The following AGO2 variants were observed in gnomAD, a reference collection of about 807,000 sequenced individuals.
The protein encoded by AGO2 is argonaute RISC catalytic component 2.
In AGO2, 5 loss-of-function variants were observed where a neutral mutation model predicts 102.3. The observed-to-expected ratio is 0.05, with a 90% CI of 0.03 to 0.10. AGO2 has a LOEUF of 0.10. AGO2 is among the 10% of genes least tolerant of loss of function. The probability of loss-of-function intolerance (pLI) is 1.00; values close to 1 mark genes in which losing one functional copy is unlikely to be tolerated. For synonymous variants in AGO2, 449 were observed against 473.1 expected, an observed-to-expected ratio of 0.95 and a Z score of 0.66; for missense variants, 541 against 1,183.7, an observed-to-expected ratio of 0.46 and a Z score of 7.97.
chr8:140,532,586 G>A lies in AGO2; in HGVS notation c.2301C>T (p.Val767=), dbSNP rs541051501. ...QGTSRPSHYH[V]LWDDNRFSSD... ...AGGAGAAACGATTGTCGTCCCAGAGGACGTGATAGTGCGAAGGCCTGCTTG... is the reference window on the plus strand; with the variant it reads ...AGGAGAAACGATTGTCGTCCCAGAGAACGTGATAGTGCGAAGGCCTGCTTG... The change falls in exon 18 of 19, where the codon GTC becomes GTT. Residue 767 remains valine (V), a synonymous_variant. Transcript: ENST00000220592. The A allele has an allele frequency of 2.5e-6, 4 of 1,614,278 alleles. No homozygotes were observed. Among genetic ancestry groups the A allele is most frequent in the Admixed American group, 1.7e-5 (1 of 60,036 alleles).
chr8:140,586,884 C>T (rs1391084321), intron 1 of AGO2, among the ~76,000 whole-genome samples: 1 of 152,212 alleles, frequency 6.6e-6, no homozygotes, highest in African/African-American at 2.4e-5. Flanking sequence ...GCACGCTCCT[C>T]TCGGGGAGGA....
At chr8:140,630,693 T>C (rs2074331420) in intron 1 of AGO2, among the ~76,000 whole-genome samples, 1 of 152,214 alleles carries the variant, frequency 6.6e-6, no homozygotes, top group South Asian at 2.1e-4. Flanking sequence ...ATCCCTCTTA[T>C]TTGAAATAAC....
intron 2 of AGO2, among the ~76,000 whole-genome samples, chr8:140,574,225 G>A (rs886916566): frequency 6.6e-6 from 1 of 150,634 alleles, no homozygotes; most frequent in Non-Finnish European, 1.5e-5. Context: ...TTCCAAAGAG[G>A]TACCAGCTTG....
intron 2 of AGO2, among the ~76,000 whole-genome samples, chr8:140,579,805 G>A (rs2073527136): frequency 6.6e-6 from 1 of 152,206 alleles, no homozygotes; most frequent in African/African-American, 2.4e-5. Flanking sequence ...CTTGTAAACA[G>A]GCAGGGTCCA....
chr8:140,635,140 G>T (rs921527509), intron 1 of AGO2, among the ~76,000 whole-genome samples: 6 of 146,384 alleles, frequency 4.1e-5, no homozygotes, highest in Non-Finnish European at 9.1e-5. Context: ...GGCCGCCTCG[G>T]CCCCGGCCCC....
At chr8:140,558,065 C>T (rs2073130873) in intron 7 of AGO2, among the ~76,000 whole-genome samples, 3 of 152,220 alleles carry the variant, frequency 2.0e-5, no homozygotes, top group South Asian at 4.1e-4. Flanking sequence ...GACAGCGGTG[C>T]ACTCTCACCC....
At position 140,553,404 on chromosome 8, in the gene AGO2, G is replaced by GTTTTTTT. The variant is rs1386366277; in HGVS notation, c.1270-1969_1270-1968insAAAAAAA. ...GCCTCAAACAAGTTACAAGTTTTTT[G>GTTTTTTT]TTTTTTGTTTTTTTTTTTTTTTGAG... On this transcript the variant is annotated intron_variant, in intron 10 of 18. Coordinates refer to ENST00000220592, the MANE Select transcript of AGO2 (RefSeq NM_012154.5). Among the ~76,000 whole-genome samples, 22 of 101,716 alleles carry GTTTTTTT rather than the reference G, an allele frequency of 2.2e-4. 2 individuals are homozygous for GTTTTTTT. The highest frequency in any genetic ancestry group is 2.9e-4 in the African/African-American group (6 of 20,620). The allele number at this position is 101,716 out of a possible 152,430, so 66.7% of individuals were successfully genotyped here. A position where few individuals can be genotyped will look rare whatever the true frequency, so the allele number is the denominator to read the frequency against.
At chr8:140,590,390 C>G (rs768578619) in intron 1 of AGO2, among the ~76,000 whole-genome samples, 19 of 152,164 alleles carry the variant, frequency 1.2e-4, no homozygotes, top group Non-Finnish European at 1.6e-4. Flanking sequence ...CAGAAGCTGC[C>G]CAAACACGGA....
At chr8:140,563,203 A>G (rs1308915710) in intron 3 of AGO2, among the ~76,000 whole-genome samples, 5 of 152,214 alleles carry the variant, frequency 3.3e-5, no homozygotes, top group Non-Finnish European at 5.9e-5. Context: ...TGTTATCCTC[A>G]CATGCCCAGT....
At chr8:140,629,753 C>T (rs778652874) in intron 1 of AGO2, among the ~76,000 whole-genome samples, 1 of 151,570 alleles carries the variant, frequency 6.6e-6, no homozygotes, top group Non-Finnish European at 1.5e-5. Context: ...GGTGGAGCTC[C>T]GGAGCCCGGG....
rs1014851699 is a variant in AGO2 at position 140,525,341 on chromosome 8, G to C, written c.*6703C>G. 1 of 151,940 alleles carries C rather than the reference G, an allele frequency of 6.6e-6. No individual in the cohort carries two copies. The highest frequency in any genetic ancestry group is 2.4e-5 in the African/African-American group (1 of 41,330). 9.4% of individuals were successfully genotyped at this position (151,940 alleles called of 1,614,324 possible). On this transcript the variant is annotated 3_prime_UTR_variant, in exon 19 of 19. Coordinates refer to ENST00000220592, the MANE Select transcript of AGO2 (RefSeq NM_012154.5). The stretch of plus-strand genomic sequence containing the variant: ...GCGAGCGGCTGTGCAGTGTCCCCTC[G>C]AAACACCCTGGACCAGATTCTGACA...
chr8:140,598,512 CCT>C (rs1039389486), intron 1 of AGO2, among the ~76,000 whole-genome samples: 3 of 152,238 alleles, frequency 2.0e-5, no homozygotes, highest in Admixed American at 6.5e-5. Flanking sequence ...CCTCCATTTC[CCT>C]GTGCGTACAA....
At chr8:140,616,646 G>C (rs1211846490) in intron 1 of AGO2, among the ~76,000 whole-genome samples, 1 of 152,188 alleles carries the variant, frequency 6.6e-6, no homozygotes, top group Non-Finnish European at 1.5e-5. Context: ...CCATTTTACA[G>C]AGGAGGAGCT....
chr8:140,544,380 TTTTGG>T, intron 13 of AGO2, 77 bp from the exon 14 acceptor site: 1 of 1,217,148 alleles, frequency 8.2e-7, no homozygotes, highest in Non-Finnish European at 1.2e-6. Context: ...CACCATCACC[TTTTGG>T]AGGTGGTCAG....
intron 2 of AGO2, among the ~76,000 whole-genome samples, chr8:140,574,843 G>A (rs991323906): frequency 3.3e-5 from 5 of 152,178 alleles, no homozygotes; most frequent in Admixed American, 6.5e-5. Flanking sequence ...GGATTGGAGC[G>A]TGGCTAGAAT....
intron 1 of AGO2, among the ~76,000 whole-genome samples, chr8:140,622,119 AAAG>A (rs2074224708): frequency 6.6e-6 from 1 of 152,222 alleles, no homozygotes; most frequent in Non-Finnish European, 1.5e-5. Context: ...ATGCCGAGTG[AAAG>A]AAGGAGACAC....
chr8:140,597,468 C>G (rs58193857), intron 1 of AGO2, among the ~76,000 whole-genome samples: 3 of 28,834 alleles, frequency 1.0e-4, no homozygotes, highest in African/African-American at 3.7e-4. Flanking sequence ...GCTGGGTGGC[C>G]CCCCCACCCC....
At position 140,631,359 on chromosome 8, in the gene AGO2, T is replaced by C. The variant is rs563333201; in HGVS notation, c.22+4126A>G. Among the ~76,000 whole-genome samples, 14 of 152,132 alleles carry C rather than the reference T, an allele frequency of 9.2e-5. No homozygotes were observed. In the East Asian group the frequency reaches 2.5e-3, roughly 27 times the overall value. ...GAGTTTGAGACCAGCTTGGCCAACA[T>C]GGTGAAACCCCATCTCTACCAAAAA... On this transcript the variant is annotated intron_variant, in intron 1 of 18. Transcript: ENST00000220592.
intron 16 of AGO2, among the ~76,000 whole-genome samples, chr8:140,536,816 CA>C (rs2072706864): frequency 6.6e-6 from 1 of 152,154 alleles, no homozygotes; most frequent in South Asian, 2.1e-4. Flanking sequence ...GGAAGGGGGA[CA>C]GGGGAAGACA....
Sources: gnomAD v4.1 joint callset for allele counts (sites outside exome capture counted in the v4.1 genomes callset) on GRCh38, gnomAD v4.1.1 for gene constraint, MANE v1.5 for transcripts, NCBI Gene and HGNC (gene_info 2026-07-23, HGNC 2026-07-21) for gene names.